The following URI1 variants were observed in gnomAD, a reference collection of about 807,000 sequenced individuals.
The protein encoded by URI1 is URI1 prefoldin like chaperone.
In URI1, 39 loss-of-function variants were observed where a neutral mutation model predicts 60.2. The ratio of observed to expected loss-of-function variants is 0.65; its 90% CI spans 0.50 to 0.85. The LOEUF (loss-of-function observed/expected upper bound fraction) is 0.85, where lower values mean the gene tolerates loss of function less well. URI1 is among the 40% of genes least tolerant of loss of function. URI1 has a pLI of 0.00. For synonymous variants in URI1, 251 were observed against 236.8 expected, an observed-to-expected ratio of 1.06 and a Z score of -0.55; for missense variants, 691 against 665.9, an observed-to-expected ratio of 1.04 and a Z score of -0.42.
chr19:29,980,791 G>A (rs932301127), intron 2 of URI1, among the ~76,000 whole-genome samples: 9 of 150,980 alleles, frequency 6.0e-5, no homozygotes, highest in Middle Eastern at 3.2e-3. Flanking sequence ...GTGCGGTGGC[G>A]CGTGCCTATA....
At chr19:29,953,406 TA>T (rs2055204025) in intron 1 of URI1, among the ~76,000 whole-genome samples, 1 of 152,204 alleles carries the variant, frequency 6.6e-6, no homozygotes, top group African/African-American at 2.4e-5. Flanking sequence ...ACTAGCTCTT[TA>T]TATTCATAAT....
At position 29,971,333 on chromosome 19, in the gene URI1, TAATTG is replaced by T. The variant is rs2055457472; in HGVS notation, c.152+111_152+115del. The stretch of plus-strand genomic sequence containing the variant: ...TGCGTGTGTGTGTATGTATGACTAG[TAATTG>T]AATTCTTCTAGTAGTCTCCATTTTG... On this transcript the variant is annotated intron_variant, in intron 2 of 10. Transcript: ENST00000392271. 4 of 1,106,422 alleles carry T rather than the reference TAATTG, an allele frequency of 3.6e-6. No homozygotes were observed. In the African/African-American group the frequency reaches 6.2e-5, roughly 17 times the overall value. 68.5% of individuals were successfully genotyped at this position (1,106,422 alleles called of 1,614,324 possible).
intron 4 of URI1, among the ~76,000 whole-genome samples, chr19:30,002,641 C>A (rs570111064): frequency 6.6e-6 from 1 of 151,998 alleles, no homozygotes; most frequent in South Asian, 2.1e-4. Context: ...AAACAATCTT[C>A]TGTCCTTCAA....
At chr19:29,949,468 G>T (rs1201068572) in intron 1 of URI1, among the ~76,000 whole-genome samples, 1 of 152,190 alleles carries the variant, frequency 6.6e-6, no homozygotes, top group Admixed American at 6.5e-5. Flanking sequence ...CCAGACGATG[G>T]GCGGCCAGGC....
intron 2 of URI1, among the ~76,000 whole-genome samples, chr19:29,973,940 T>A (rs1315093552): frequency 1.3e-5 from 2 of 152,186 alleles, no homozygotes; most frequent in Non-Finnish European, 2.9e-5. Context: ...AATAAGGTAT[T>A]ATGAAATCCA....
intron 1 of URI1, among the ~76,000 whole-genome samples, chr19:29,959,616 CCTTT>C (rs1230414697): frequency 5.3e-5 from 8 of 152,108 alleles, no homozygotes; most frequent in Admixed American, 6.5e-5. Flanking sequence ...AAGGAATTGT[CCTTT>C]CTAAGTTTTC....
At chr19:29,957,057 T>C (rs2055258025) in intron 1 of URI1, 1 of 546,350 alleles carries the variant, frequency 1.8e-6, no homozygotes, top group South Asian at 2.1e-5. Context: ...TTGGATGATG[T>C]CATTTTGTCA....
rs533979534 is a variant in URI1, at chr19:29,971,689, CT to C, written c.152+475del. On this transcript the variant is annotated intron_variant, in intron 2 of 10. Coordinates refer to ENST00000392271, the MANE Select transcript of URI1 (RefSeq NM_003796.3). Reference sequence around the variant, plus strand: ...TTCAGAGCTTGTTTTATTGACTGTACTTTTTTTTTTTTTAAGAGAGAGCATA... The same window carrying C: ...TTCAGAGCTTGTTTTATTGACTGTACTTTTTTTTTTTTAAGAGAGAGCATA... Among the ~76,000 whole-genome samples, 1,157 of 138,256 alleles carry C rather than the reference CT, an allele frequency of 8.4e-3. 5 individuals carry two copies. Among genetic ancestry groups the C allele is most frequent in the Non-Finnish European group, 9.8e-3 (622 of 63,432 alleles). 90.7% of individuals were successfully genotyped at this position (138,256 alleles called of 152,430 possible).
chr19:29,930,405 T>G (rs1334933593), intron 1 of URI1, among the ~76,000 whole-genome samples: 1 of 152,214 alleles, frequency 6.6e-6, no homozygotes, highest in Non-Finnish European at 1.5e-5. Flanking sequence ...AGGTCTTACG[T>G]TCAGGTCTTT....
At chr19:29,981,516 C>T (rs369206862) in intron 2 of URI1, among the ~76,000 whole-genome samples, 5 of 151,704 alleles carry the variant, frequency 3.3e-5, no homozygotes, top group South Asian at 4.1e-4. Flanking sequence ...ACAAAAGGTA[C>T]TCTCAAAAGG....
intron 4 of URI1, among the ~76,000 whole-genome samples, chr19:29,993,778 C>T (rs1327587090): frequency 6.6e-6 from 1 of 152,146 alleles, no homozygotes; most frequent in Non-Finnish European, 1.5e-5. Context: ...CAGTTTACCT[C>T]CCTGGAGGCA....
chr19:29,984,862 C>T (rs2083598691), intron 2 of URI1, among the ~76,000 whole-genome samples: 1 of 151,858 alleles, frequency 6.6e-6, no homozygotes, highest in Non-Finnish European at 1.5e-5. Flanking sequence ...TGGCTCACGC[C>T]TGTAACTCTA....
intron 1 of URI1, among the ~76,000 whole-genome samples, chr19:29,928,319 A>T (rs557876122): frequency 6.6e-6 from 1 of 152,076 alleles, no homozygotes; most frequent in Non-Finnish European, 1.5e-5. Flanking sequence ...GTCACGCCCA[A>T]GCATTATTTT....
intron 2 of URI1, among the ~76,000 whole-genome samples, chr19:29,972,449 A>G (rs568931566): frequency 2.0e-5 from 3 of 152,224 alleles, no homozygotes; most frequent in Admixed American, 6.5e-5. Flanking sequence ...TTTACAAATA[A>G]TTTCCAGAGG....
intron 2 of URI1, among the ~76,000 whole-genome samples, chr19:29,979,493 G>T (rs1262305807): frequency 6.6e-6 from 1 of 152,146 alleles, no homozygotes; most frequent in Non-Finnish European, 1.5e-5. Context: ...TATGGTTGTT[G>T]TAGAGAGAAC....
At chr19:29,944,849 C>T (rs895638921) in intron 1 of URI1, among the ~76,000 whole-genome samples, 1 of 152,176 alleles carries the variant, frequency 6.6e-6, no homozygotes, top group African/African-American at 2.4e-5. Context: ...GATTAGATAG[C>T]TGCACTGTAA....
chr19:29,938,300 C>T (rs1000966398), upstream of URI1, among the ~76,000 whole-genome samples: 4 of 152,088 alleles, frequency 2.6e-5, no homozygotes, highest in East Asian at 5.8e-4. Flanking sequence ...TGGGGAGCTG[C>T]ACGTCACATG....
At chr19:29,924,971 G>A (rs2054853395) in intron 1 of URI1, among the ~76,000 whole-genome samples, 3 of 152,208 alleles carry the variant, frequency 2.0e-5, no homozygotes, top group Non-Finnish European at 2.9e-5. Flanking sequence ...AGGTAGCTGG[G>A]ATCACAGGCA....
intron 4 of URI1, 105 bp from the exon 5 acceptor site, chr19:30,005,256 A>ATT: frequency 1.6e-6 from 1 of 629,998 alleles, no homozygotes; most frequent in Non-Finnish European, 2.7e-6. Flanking sequence ...TTTGAAAAGC[A>ATT]TTACTGTTAA....
Sources: gnomAD v4.1 joint callset for allele counts (sites outside exome capture counted in the v4.1 genomes callset) on GRCh38, gnomAD v4.1.1 for gene constraint, MANE v1.5 for transcripts, NCBI Gene and HGNC (gene_info 2026-07-23, HGNC 2026-07-21) for gene names.